Variants in LRRC37A2 observed in about 807,000 individuals in gnomAD.
LRRC37A2 encodes the protein leucine-rich repeat-containing protein 37A2.
A neutral mutation model predicts 68.8 loss-of-function variants in LRRC37A2; 9 were observed. That is an observed-to-expected ratio of 0.13 (90% CI 0.08 to 0.23). LRRC37A2 has a LOEUF of 0.23. LRRC37A2 is among the 10% of genes least tolerant of loss of function. The pLI, the probability that LRRC37A2 is intolerant of heterozygous loss-of-function variation, is 1.00. For missense variants in LRRC37A2, 168 were observed against 950.4 expected, an observed-to-expected ratio of 0.18 and a Z score of 10.82; for synonymous variants, 63 against 367.6, an observed-to-expected ratio of 0.17 and a Z score of 9.48.
At chr17:46,494,894 CT>C in the LRRC37A2 span, among the ~76,000 whole-genome samples, 1 of 151,130 alleles carries the variant, frequency 6.6e-6, no homozygotes. Context: ...AGTCACCCTA[CT>C]GTGCAAATAA....
the LRRC37A2 span, among the ~76,000 whole-genome samples, chr17:47,002,722 TATTG>T: frequency 6.6e-6 from 1 of 152,118 alleles, no homozygotes; most frequent in Admixed American, 6.5e-5. Flanking sequence ...ATTAAATTAT[TATTG>T]ATTATTGCCA....
the LRRC37A2 span, among the ~76,000 whole-genome samples, chr17:46,437,715 T>G: frequency 1.3e-5 from 2 of 150,420 alleles, no homozygotes; most frequent in Non-Finnish European, 3.0e-5. Context: ...TGCTTTGATT[T>G]TAAATTCTAT....
chr17:46,817,441 G>A, the LRRC37A2 span, among the ~76,000 whole-genome samples: 2 of 152,224 alleles, frequency 1.3e-5, no homozygotes, highest in African/African-American at 2.4e-5. Flanking sequence ...TTTCCGGAAT[G>A]TAGGGGGCTG....
At chr17:46,791,802 T>TTTCG in the LRRC37A2 span, among the ~76,000 whole-genome samples, 2 of 147,844 alleles carry the variant, frequency 1.4e-5, no homozygotes, top group Non-Finnish European at 3.0e-5. Flanking sequence ...CACTTCAGAA[T>TTTCG]TTCGAGGCAG....
the LRRC37A2 span, among the ~76,000 whole-genome samples, chr17:46,881,681 A>G: frequency 6.6e-6 from 1 of 152,220 alleles, no homozygotes; most frequent in Non-Finnish European, 1.5e-5. Context: ...CAATGCCACC[A>G]TCTTCCAGGA....
chr17:46,799,550 C>T, the LRRC37A2 span, among the ~76,000 whole-genome samples: 2 of 150,972 alleles, frequency 1.3e-5, no homozygotes, highest in African/African-American at 2.4e-5. Context: ...CAGGTTCAAG[C>T]GATTCTCCCA....
the LRRC37A2 span, chr17:46,762,770 G>A: frequency 2.6e-5 from 4 of 151,990 alleles, no homozygotes; most frequent in Non-Finnish European, 5.9e-5. Flanking sequence ...ACCTGACTAC[G>A]GCGAGAATCA....
the LRRC37A2 span, among the ~76,000 whole-genome samples, chr17:46,785,603 A>G: frequency 6.6e-6 from 1 of 152,208 alleles, no homozygotes; most frequent in South Asian, 2.1e-4. Flanking sequence ...CAGCTTCTGA[A>G]GGTTCCCTTT....
At chr17:46,870,459 C>T in the LRRC37A2 span, among the ~76,000 whole-genome samples, 8 of 152,154 alleles carry the variant, frequency 5.3e-5, no homozygotes, top group Non-Finnish European at 1.0e-4. Context: ...CCATTTGCCC[C>T]CAGATTAATG....
the LRRC37A2 span, among the ~76,000 whole-genome samples, chr17:46,914,737 T>A: frequency 6.7e-6 from 1 of 149,004 alleles, no homozygotes; most frequent in African/African-American, 2.5e-5. Flanking sequence ...ACAGATTGCC[T>A]CCTGGGTCTA....
At chr17:46,904,956 AC>A in the LRRC37A2 span, among the ~76,000 whole-genome samples, 1 of 151,872 alleles carries the variant, frequency 6.6e-6, no homozygotes, top group Non-Finnish European at 1.5e-5. Flanking sequence ...GGAGTTGTCC[AC>A]CCCCACCGTA....
chr17:46,946,530 C>G, the LRRC37A2 span, among the ~76,000 whole-genome samples: 2 of 149,024 alleles, frequency 1.3e-5, no homozygotes, highest in African/African-American at 2.5e-5. Context: ...AGAAATAGCT[C>G]AAGCTCAGTA....
chr17:46,782,664 G>C, the LRRC37A2 span, among the ~76,000 whole-genome samples: 1 of 152,248 alleles, frequency 6.6e-6, no homozygotes, highest in Non-Finnish European at 1.5e-5. Flanking sequence ...ACACCGTGGG[G>C]CTGGGCCTGG....
At chr17:46,755,414 C>A in the LRRC37A2 span, 1 of 1,425,542 alleles carries the variant, frequency 7.0e-7, no homozygotes, top group Non-Finnish European at 9.9e-7. Flanking sequence ...AACTTACCAC[C>A]CTGTTAAATC....
the LRRC37A2 span, among the ~76,000 whole-genome samples, chr17:46,773,266 C>T: frequency 6.6e-6 from 1 of 152,176 alleles, no homozygotes; most frequent in East Asian, 1.9e-4. Context: ...CACCAGGCAG[C>T]TTCCTCACCT....
chr17:46,967,036 A>G, the LRRC37A2 span: 1 of 201,564 alleles, frequency 5.0e-6, no homozygotes, highest in Non-Finnish European at 9.9e-6. Context: ...CTGTGTGTCC[A>G]ACAAAGGTTT....
At chr17:47,036,424 CAT>C in the LRRC37A2 span, among the ~76,000 whole-genome samples, 2 of 152,148 alleles carry the variant, frequency 1.3e-5, no homozygotes, top group Non-Finnish European at 2.9e-5. Flanking sequence ...AATTTAAGGT[CAT>C]GAGATTTACT....
the LRRC37A2 span, chr17:46,975,519 G>C: frequency 2.0e-5 from 3 of 152,430 alleles, no homozygotes; most frequent in Non-Finnish European, 2.9e-5. Flanking sequence ...ATTATATAAG[G>C]CAGCCCAGTA....
At chr17:46,953,701 T>C in the LRRC37A2 span, among the ~76,000 whole-genome samples, 35 of 152,192 alleles carry the variant, frequency 2.3e-4, no homozygotes, top group Non-Finnish European at 4.6e-4. Flanking sequence ...CCAGCAGCTG[T>C]TGTTTCCTGA....
Sources: gnomAD v4.1 joint callset for allele counts (sites outside exome capture counted in the v4.1 genomes callset) on GRCh38, gnomAD v4.1.1 for gene constraint, MANE v1.5 for transcripts, NCBI Gene and HGNC (gene_info 2026-07-23, HGNC 2026-07-21) for gene names.